Variants in MAGI2 observed in about 807,000 individuals in gnomAD.
The protein encoded by MAGI2 is membrane-associated guanylate kinase, WW and PDZ domain-containing protein 2.
MAGI2 carries 35 observed loss-of-function variants against 133.3 expected under a neutral mutation model. The observed-to-expected ratio is 0.26, with a 90% confidence interval of 0.20 to 0.35. MAGI2 has a LOEUF of 0.35. MAGI2 is among the 10% of genes least tolerant of loss of function. MAGI2 has a pLI of 1.00. For synonymous variants in MAGI2, 729 were observed against 710.6 expected, an observed-to-expected ratio of 1.03 and a Z score of -0.41; for missense variants, 1,636 against 1,863.4, an observed-to-expected ratio of 0.88 and a Z score of 2.25.
At chr7:79,351,501 A>G (rs1841691130) in intron 1 of MAGI2, among the ~76,000 whole-genome samples, 1 of 152,160 alleles carries the variant, frequency 6.6e-6, no homozygotes, top group Non-Finnish European at 1.5e-5. Context: ...CATGCAGGAG[A>G]AAAGTATAAA....
Position 78,856,602 on chromosome 7 carries a change from T to G in MAGI2, c.418+150488A>C, listed in dbSNP as rs575389233. 1.3e-4 allele frequency among the ~76,000 whole-genome samples: 20 copies of G among 152,280 alleles called. No individual in the cohort carries two copies. The East Asian group carries it at 3.7e-3, about 28-fold the overall frequency. ...TTTCCGAGGGCTCTGTTCTGTTCCATTGGTCTATATCTCTGGTTTGGTACC... is the reference window on the plus strand; with the variant it reads ...TTTCCGAGGGCTCTGTTCTGTTCCAGTGGTCTATATCTCTGGTTTGGTACC... On this transcript the variant is annotated intron_variant, in intron 2 of 21. Transcript: ENST00000354212.
At chr7:78,568,514 A>T (rs1801174758) in intron 3 of MAGI2, 3 of 152,230 alleles carry the variant, frequency 2.0e-5, no homozygotes, top group Admixed American at 1.3e-4. Flanking sequence ...TCTTGGAGTC[A>T]TCTTTCATGT....
chr7:79,073,974 T>A (rs1192135765), intron 1 of MAGI2, among the ~76,000 whole-genome samples: 1 of 152,130 alleles, frequency 6.6e-6, no homozygotes, highest in East Asian at 1.9e-4. Context: ...CTCATAGATT[T>A]TCAAAGACTA....
intron 1 of MAGI2, among the ~76,000 whole-genome samples, chr7:79,118,230 T>G (rs935950488): frequency 6.6e-6 from 1 of 152,196 alleles, no homozygotes. Context: ...TTAATAGAAC[T>G]CCTTTGCACT....
intron 7 of MAGI2, among the ~76,000 whole-genome samples, chr7:78,354,687 T>C (rs1374049654): frequency 1.3e-5 from 2 of 152,144 alleles, no homozygotes; most frequent in Non-Finnish European, 2.9e-5. Context: ...TATGACCACA[T>C]AGAGCAGGAG....
chr7:78,865,262 A>G (rs1794464612), intron 2 of MAGI2, among the ~76,000 whole-genome samples: 1 of 152,208 alleles, frequency 6.6e-6, no homozygotes, highest in Non-Finnish European at 1.5e-5. Flanking sequence ...GAAAAGGACA[A>G]CACTTCCTAC....
At chr7:78,231,856 A>G (rs1280197535) in intron 10 of MAGI2, among the ~76,000 whole-genome samples, 1 of 152,158 alleles carries the variant, frequency 6.6e-6, no homozygotes, top group African/African-American at 2.4e-5. Context: ...GAATAGCTGG[A>G]CTTGTCTCCT....
chr7:78,332,286 C>G (rs1448516855), intron 9 of MAGI2, among the ~76,000 whole-genome samples: 1 of 152,222 alleles, frequency 6.6e-6, no homozygotes, highest in African/African-American at 2.4e-5. Context: ...TTTGCTGAAG[C>G]ATAGCATGGT....
intron 10 of MAGI2, among the ~76,000 whole-genome samples, chr7:78,239,296 C>CTA (rs1790882077): frequency 6.6e-6 from 1 of 152,106 alleles, no homozygotes; most frequent in Admixed American, 6.6e-5. Context: ...AAACCTGAAA[C>CTA]TATAAAACTA....
intron 20 of MAGI2, among the ~76,000 whole-genome samples, chr7:78,106,495 A>G (rs1267438194): frequency 6.6e-6 from 1 of 152,040 alleles, no homozygotes; most frequent in African/African-American, 2.4e-5. Context: ...GCGTTCCCCT[A>G]TCTCCCCATC....
intron 1 of MAGI2, among the ~76,000 whole-genome samples, chr7:79,076,921 A>G (rs1300231673): frequency 6.6e-6 from 1 of 152,210 alleles, no homozygotes; most frequent in Non-Finnish European, 1.5e-5. Flanking sequence ...ATCTGTTAGA[A>G]GGGCAATTCC....
intron 2 of MAGI2, among the ~76,000 whole-genome samples, chr7:78,844,910 T>C (rs578159937): frequency 6.6e-6 from 1 of 152,090 alleles, no homozygotes; most frequent in African/African-American, 2.4e-5. Context: ...AGAATCATAT[T>C]GATGCCATCT....
chr7:78,297,695 T>C (rs1298788387), intron 9 of MAGI2, among the ~76,000 whole-genome samples: 2 of 151,578 alleles, frequency 1.3e-5, no homozygotes, highest in African/African-American at 4.9e-5. Context: ...TGGATGAAAT[T>C]GGAAATCATC....
At chr7:78,090,849 T>C (rs1249872922) in intron 20 of MAGI2, among the ~76,000 whole-genome samples, 1 of 152,220 alleles carries the variant, frequency 6.6e-6, no homozygotes, top group Non-Finnish European at 1.5e-5. Context: ...CATGCCTTTG[T>C]TGGCATAACT....
intron 1 of MAGI2, among the ~76,000 whole-genome samples, chr7:79,243,786 T>A (rs1395224889): frequency 6.6e-6 from 1 of 152,202 alleles, no homozygotes; most frequent in Non-Finnish European, 1.5e-5. Context: ...TAAATATGCA[T>A]GTTAAAAATA....
At chr7:78,787,170 T>C (rs576450397) in intron 2 of MAGI2, among the ~76,000 whole-genome samples, 2 of 151,980 alleles carry the variant, frequency 1.3e-5, no homozygotes, top group African/African-American at 2.4e-5. Context: ...CTGGTCTCGA[T>C]CTCCTGACCT....
chr7:79,321,577 AT>A (rs1372062790), intron 1 of MAGI2, among the ~76,000 whole-genome samples: 3 of 152,162 alleles, frequency 2.0e-5, no homozygotes, highest in African/African-American at 4.8e-5. Context: ...GAGAGAACAA[AT>A]TTTTTTCTTT....
chr7:78,510,174 A>T (rs1023313442), intron 4 of MAGI2, among the ~76,000 whole-genome samples: 9 of 152,334 alleles, frequency 5.9e-5, no homozygotes, highest in African/African-American at 1.9e-4. Context: ...AAATTCCCCG[A>T]TAACAACAGT....
chr7:79,278,349 A>G (rs535530486), intron 1 of MAGI2, among the ~76,000 whole-genome samples: 2 of 152,248 alleles, frequency 1.3e-5, no homozygotes, highest in South Asian at 2.1e-4. Flanking sequence ...CTGTGAGCCA[A>G]TTATGCCTCT....
Sources: allele counts gnomAD v4.1 joint callset (sites outside exome capture counted in the v4.1 genomes callset), GRCh38; gene constraint gnomAD v4.1.1; transcripts MANE v1.5; gene names NCBI Gene and HGNC (gene_info 2026-07-23, HGNC 2026-07-21).